The following SYNE3 variants were observed in gnomAD, a reference collection of about 807,000 sequenced individuals.
The protein encoded by SYNE3 is spectrin repeat containing nuclear envelope family member 3.
Under a neutral mutation model 111.2 loss-of-function variants are expected in SYNE3, and 100 were observed. The observed-to-expected ratio is 0.90, with a 90% CI of 0.77 to 1.06. The LOEUF (loss-of-function observed/expected upper bound fraction) is 1.06. Among genes scored for constraint, SYNE3 ranks in the 50% least tolerant of loss-of-function variants. The pLI, the probability that SYNE3 is intolerant of heterozygous loss-of-function variation, is 0.00. For synonymous variants in SYNE3, 547 were observed against 533.9 expected (o/e 1.02, Z -0.34); for missense variants, 1,160 against 1,240.3 (o/e 0.94, Z 0.97).
chr14:95,480,626 C>A (rs773283646), intron 1 of SYNE3, among the ~76,000 whole-genome samples: 3 of 152,222 alleles, frequency 2.0e-5, no homozygotes, highest in Non-Finnish European at 1.5e-5. Context: ...ATCTGAGCTC[C>A]AGGCTTTAGC....
intron 1 of SYNE3, among the ~76,000 whole-genome samples, chr14:95,501,749 C>A (rs183212750): frequency 2.6e-5 from 4 of 152,128 alleles, no homozygotes; most frequent in African/African-American, 7.2e-5. Flanking sequence ...AGATGTGCAG[C>A]GCAGCAAAGC....
Position 95,415,376 on chromosome 14 carries a change from G to A in SYNE3, c.*2450C>T, listed in dbSNP as rs1241410539. The A allele has an allele frequency of 2.7e-5, 4 of 149,634 alleles. No homozygotes were observed. The highest frequency in any genetic ancestry group is 2.1e-4 in the South Asian group (1 of 4,744). 9.3% of individuals were successfully genotyped at this position (149,634 alleles called of 1,614,324 possible). A position where few individuals can be genotyped will look rare whatever the true frequency, so the allele number is the denominator to read the frequency against. ...TCAGCTCCTGATTTTCCAGTAAGGT[G>A]GTCGCCTGCAGAGAACGGCCCTATG... is the stretch of plus-strand genomic sequence containing the variant. On this transcript the variant is annotated 3_prime_UTR_variant, in exon 18 of 18. Coordinates refer to ENST00000682763, the MANE Select transcript of SYNE3 (RefSeq NM_152592.6).
Position 95,457,419 on chromosome 14 carries a change from GGTGT to G in SYNE3, c.628-85_628-82del, listed in dbSNP as rs36203973. On this transcript the variant is annotated intron_variant, in intron 4 of 17. Coordinates refer to ENST00000682763, the MANE Select transcript of SYNE3 (RefSeq NM_152592.6). ...GGCCAGAAAGCCCGTAGCCTGCCTG[GGTGT>G]GTGTGTGTGTGTGTGTGTGTGTTAG... The G allele has an allele frequency of 8.3e-3, 11,247 of 1,360,016 alleles. 25 individuals are homozygous for G. The highest frequency in any genetic ancestry group is 0.039 in the South Asian group (2,869 of 73,754). 84.2% of individuals were successfully genotyped at this position (1,360,016 alleles called of 1,614,324 possible). A position where few individuals can be genotyped will look rare whatever the true frequency, so the allele number is the denominator to read the frequency against.
intron 1 of SYNE3, among the ~76,000 whole-genome samples, chr14:95,491,666 G>A (rs759667538): frequency 1.2e-4 from 18 of 151,830 alleles, no homozygotes; most frequent in Non-Finnish European, 2.2e-4. Flanking sequence ...CTTGGAATAC[G>A]CAATGGTTTC....
intron 1 of SYNE3, among the ~76,000 whole-genome samples, chr14:95,479,723 A>C (rs74080284): frequency 0.1 from 15,932 of 152,088 alleles, 1,936 homozygotes; most frequent in African/African-American, 0.3. Flanking sequence ...ATGAGTTTTG[A>C]GACAGGAGGA....
chr14:95,444,743 A>C, intron 9 of SYNE3, 115 bp from the exon 10 acceptor site: 1 of 1,311,188 alleles, frequency 7.6e-7, no homozygotes, highest in Non-Finnish European at 1.0e-6. Flanking sequence ...ATGCTCATTC[A>C]GGCGCCACCC....
At position 95,455,326 on chromosome 14, in the gene SYNE3, C is replaced by A. The variant is rs374156014; in HGVS notation, c.1137+51G>T. The A allele has an allele frequency of 5.6e-6, 8 of 1,423,758 alleles. No homozygotes were observed. The African/African-American group carries it at 8.6e-5, about 15-fold the overall frequency. 88.2% of individuals were successfully genotyped at this position (1,423,758 alleles called of 1,614,324 possible). ...ACAGAGGAGGTCTGAGTGCCAGGAC[C>A]CTGGGCACAGACAGCACCCTGGGCT... On this transcript the variant is annotated intron_variant, in intron 6 of 17. Coordinates refer to ENST00000682763, the MANE Select transcript of SYNE3 (RefSeq NM_152592.6).
intron 14 of SYNE3, among the ~76,000 whole-genome samples, chr14:95,437,402 T>A (rs4905304): frequency 6.6e-6 from 1 of 152,060 alleles, no homozygotes; most frequent in Non-Finnish European, 1.5e-5. Flanking sequence ...GCGCATGCTG[T>A]CTTCCCTGTC....
At chr14:95,439,314 G>A (rs1886275693) in intron 13 of SYNE3, 152 bp from the exon 14 acceptor site, 2 of 1,222,376 alleles carry the variant, frequency 1.6e-6, no homozygotes, top group South Asian at 2.7e-5. Context: ...CTCACATCCG[G>A]TTTCTGACTT....
rs1203645762 is a variant in SYNE3 at position 95,443,179 on chromosome 14, G to A, written c.1887C>T (p.Phe629=). 1 of 1,613,980 alleles carries A rather than the reference G, an allele frequency of 6.2e-7. No individual in the cohort carries two copies. Among genetic ancestry groups the A allele is most frequent in the African/African-American group, 1.3e-5 (1 of 74,956 alleles). The change falls in exon 11 of 18, where the codon TTC becomes TTT. Residue 629 remains phenylalanine, a synonymous_variant. Transcript: ENST00000682763. ...CCTCCAGAGACCTCTGCAGGGCCTG[G>A]AAGTCGGAGGAAAGCTGGTCCATTT... The part of the protein sequence containing the change: ...QHKMDQLSSD[F]QALQRSLEDL...
At chr14:95,474,749 C>G (rs528860233) in intron 2 of SYNE3, among the ~76,000 whole-genome samples, 1 of 152,162 alleles carries the variant, frequency 6.6e-6, no homozygotes, top group Non-Finnish European at 1.5e-5. Flanking sequence ...TGCACAGAAT[C>G]GAGAAGACAG....
intron 11 of SYNE3, among the ~76,000 whole-genome samples, chr14:95,442,173 C>T (rs1440919335): frequency 6.6e-6 from 1 of 152,190 alleles, no homozygotes; most frequent in Non-Finnish European, 1.5e-5. Flanking sequence ...GCGTTGTTCC[C>T]ATTTCAGAAA....
At chr14:95,441,186 A>C (rs527612083) in intron 11 of SYNE3, among the ~76,000 whole-genome samples, 8 of 152,292 alleles carry the variant, frequency 5.3e-5, no homozygotes, top group South Asian at 4.1e-4. Flanking sequence ...TGCCTTCTAC[A>C]TTCCACAGAC....
chr14:95,483,373 T>A (rs1435011730), intron 1 of SYNE3, among the ~76,000 whole-genome samples: 2 of 152,172 alleles, frequency 1.3e-5, no homozygotes, highest in Non-Finnish European at 2.9e-5. Flanking sequence ...CGTGACTCAC[T>A]CGGCTGTCCT....
chr14:95,417,088 C>T lies in SYNE3; in HGVS notation c.*738G>A, dbSNP rs1903604297. 1 of 154,096 alleles carries T rather than the reference C, an allele frequency of 6.5e-6. No individual in the cohort carries two copies. Among genetic ancestry groups the T allele is most frequent in the Non-Finnish European group, 1.4e-5 (1 of 69,318 alleles). 9.5% of individuals were successfully genotyped at this position (154,096 alleles called of 1,614,324 possible). On this transcript the variant is annotated 3_prime_UTR_variant, in exon 18 of 18. Coordinates refer to ENST00000682763, the MANE Select transcript of SYNE3 (RefSeq NM_152592.6). ...CTGTGTGATCAGAAGCCGCTGAGAG[C>T]TGGGGTTAGGGCTCCGGCATGCAAT...
chr14:95,509,019 C>T (rs1041579855), intron 1 of SYNE3, among the ~76,000 whole-genome samples: 11 of 152,226 alleles, frequency 7.2e-5, no homozygotes, highest in Non-Finnish European at 1.6e-4. Flanking sequence ...GTAATAATAG[C>T]GTGCTCTCTC....
intron 17 of SYNE3, among the ~76,000 whole-genome samples, chr14:95,423,027 CG>C (rs1885220627): frequency 1.3e-5 from 2 of 152,348 alleles, no homozygotes; most frequent in South Asian, 4.1e-4. Context: ...GTTCGCTCCC[CG>C]TAAGAACTCA....
intron 2 of SYNE3, among the ~76,000 whole-genome samples, chr14:95,469,452 T>C (rs1442712015): frequency 1.4e-5 from 2 of 144,512 alleles, no homozygotes; most frequent in African/African-American, 5.2e-5. Flanking sequence ...CCTAGCACTC[T>C]GGGAGGCTGA....
chr14:95,452,318 C>T lies in SYNE3; in HGVS notation c.1203G>A (p.Glu401=), dbSNP rs1425268766. Residue 401 remains glutamate, a synonymous_variant, in exon 7 of 18, where the codon GAG becomes GAA. Coordinates refer to ENST00000682763, the MANE Select transcript of SYNE3 (RefSeq NM_152592.6). ...RVDRLQAQLK[E]LIVFPHNLKP... ...TCAGGTTGTGAGGGAAGACGATGAG[C>T]TCCTTCAGCTGGGCTTGCAGCCGGT... is the stretch of plus-strand genomic sequence containing the variant. 45 of 1,614,018 alleles carry T rather than the reference C, an allele frequency of 2.8e-5. No individual in the cohort carries two copies. The highest frequency in any genetic ancestry group is 3.7e-5 in the Non-Finnish European group (44 of 1,179,946).
Sources: allele counts gnomAD v4.1 joint callset (sites outside exome capture counted in the v4.1 genomes callset), GRCh38; gene constraint gnomAD v4.1.1; transcripts MANE v1.5; gene names NCBI Gene and HGNC (gene_info 2026-07-23, HGNC 2026-07-21).